Variants in RBFOX1 observed in about 807,000 individuals in gnomAD.
RBFOX1 encodes the protein RNA binding protein fox-1 homolog 1.
A neutral mutation model predicts 57.7 loss-of-function variants in RBFOX1; 8 were observed. That is an observed-to-expected ratio of 0.14 (90% CI 0.08 to 0.25). The LOEUF (loss-of-function observed/expected upper bound fraction) is 0.25. RBFOX1 is among the 10% of genes least tolerant of loss of function. The pLI is 1.00. For missense variants in RBFOX1, 611 were observed against 548.5 expected (o/e 1.11, Z -1.14); for synonymous variants, 326 against 222.4 (o/e 1.47, Z -4.15).
At chr16:6,083,206 A>G (rs1597131415) in intron 1 of RBFOX1, among the ~76,000 whole-genome samples, 1 of 151,952 alleles carries the variant, frequency 6.6e-6, no homozygotes, top group Non-Finnish European at 1.5e-5. Flanking sequence ...TTTCACCATG[A>G]TGGCCAAGCT....
intron 4 of RBFOX1, among the ~76,000 whole-genome samples, chr16:5,980,471 C>T (rs1342146719): frequency 1.3e-5 from 2 of 152,178 alleles, no homozygotes. Context: ...TGGCCCTGGG[C>T]AGACAGCAGA....
intron 4 of RBFOX1, among the ~76,000 whole-genome samples, chr16:7,252,504 TC>T (rs2094531792): frequency 6.6e-6 from 1 of 152,172 alleles, no homozygotes; most frequent in Non-Finnish European, 1.5e-5. Context: ...TTTGCACAGA[TC>T]TTTATATTTC....
chr16:6,164,019 G>A (rs909277679), intron 1 of RBFOX1, among the ~76,000 whole-genome samples: 32 of 152,140 alleles, frequency 2.1e-4, no homozygotes, highest in Admixed American at 1.3e-4. Flanking sequence ...TTTTTGTGAC[G>A]AGAGTAGTTG....
At chr16:6,253,962 A>C (rs2097644372) in intron 1 of RBFOX1, among the ~76,000 whole-genome samples, 2 of 152,114 alleles carry the variant, frequency 1.3e-5, no homozygotes, top group Admixed American at 1.3e-4. Context: ...CAACTCAAGT[A>C]GGACAGAACT....
chr16:5,861,616 C>T (rs762226548), intron 3 of RBFOX1, among the ~76,000 whole-genome samples: 148 of 152,286 alleles, frequency 9.7e-4, no homozygotes, highest in Non-Finnish European at 1.1e-3. Flanking sequence ...ATATCCTTGA[C>T]GAACATAAGC....
chr16:6,029,804 A>C (rs1304972980), intron 1 of RBFOX1, among the ~76,000 whole-genome samples: 1 of 151,978 alleles, frequency 6.6e-6, no homozygotes, highest in Non-Finnish European at 1.5e-5. Context: ...GGAAAGAAAA[A>C]CATGTTATTG....
chr16:6,662,916 C>A (rs2098710417), intron 3 of RBFOX1, among the ~76,000 whole-genome samples: 1 of 152,148 alleles, frequency 6.6e-6, no homozygotes, highest in Non-Finnish European at 1.5e-5. Context: ...AGAACAGAAA[C>A]AATTTAAAGA....
chr16:6,004,231 C>T (rs1448837461), intron 4 of RBFOX1, among the ~76,000 whole-genome samples: 1 of 152,074 alleles, frequency 6.6e-6, no homozygotes, highest in Non-Finnish European at 1.5e-5. Flanking sequence ...AAAAGAATAC[C>T]TGCTCTACAG....
intron 2 of RBFOX1, among the ~76,000 whole-genome samples, chr16:6,654,040 A>G (rs1280105245): frequency 6.7e-6 from 1 of 150,328 alleles, no homozygotes; most frequent in African/African-American, 2.5e-5. Flanking sequence ...GAATGGATAG[A>G]TGGGTGGATG....
At chr16:7,019,571 G>A (rs1337850914) in intron 3 of RBFOX1, among the ~76,000 whole-genome samples, 4 of 152,134 alleles carry the variant, frequency 2.6e-5, no homozygotes, top group South Asian at 2.1e-4. Flanking sequence ...TTTACAGTTC[G>A]AATGAATGAT....
rs368652000 is a variant in RBFOX1 at position 6,637,614 on chromosome 16, T to G, written c.-63-16989T>G. On this transcript the variant is annotated intron_variant, in intron 2 of 15. Coordinates refer to ENST00000550418, the MANE Select transcript of RBFOX1 (RefSeq NM_018723.4). ...CTATATATATATTAGAATGTGCATT[T>G]AACTTGAAAAGGTTGAAACTCTAAA... 1.4e-4 allele frequency among the ~76,000 whole-genome samples: 8 copies of G among 58,992 alleles called. No individual in the cohort carries two copies. In the East Asian group the frequency reaches 4.8e-3, roughly 36 times the overall value. The allele number at this position is 58,992 out of a possible 152,430, so 38.7% of individuals were successfully genotyped here.
chr16:7,626,952 A>G (rs923297745), intron 10 of RBFOX1, among the ~76,000 whole-genome samples: 2 of 152,152 alleles, frequency 1.3e-5, no homozygotes, highest in African/African-American at 2.4e-5. Context: ...CAGACGACCA[A>G]TGTCTAAGTA....
intron 2 of RBFOX1, among the ~76,000 whole-genome samples, chr16:6,554,046 A>G (rs999019002): frequency 1.3e-5 from 2 of 152,188 alleles, no homozygotes; most frequent in Non-Finnish European, 2.9e-5. Context: ...GAATGAATGA[A>G]TGAATGGATA....
intron 3 of RBFOX1, among the ~76,000 whole-genome samples, chr16:6,665,504 A>G (rs139675256): frequency 3.4e-4 from 52 of 152,012 alleles, no homozygotes; most frequent in Non-Finnish European, 6.5e-4. Flanking sequence ...AGGCACCTGT[A>G]ATCGCAGCTA....
At chr16:7,130,382 C>T (rs2069947746) in intron 4 of RBFOX1, among the ~76,000 whole-genome samples, 3 of 152,220 alleles carry the variant, frequency 2.0e-5, no homozygotes, top group African/African-American at 7.2e-5. Flanking sequence ...AAGTGTTTGT[C>T]CATTGTGCTC....
intron 4 of RBFOX1, among the ~76,000 whole-genome samples, chr16:7,379,448 T>A (rs977546458): frequency 6.6e-6 from 1 of 152,192 alleles, no homozygotes; most frequent in Admixed American, 6.5e-5. Flanking sequence ...AATGAATGAA[T>A]TGGAGCTTTA....
intron 2 of RBFOX1, among the ~76,000 whole-genome samples, chr16:6,647,768 C>G (rs889177976): frequency 2.0e-5 from 3 of 152,030 alleles, no homozygotes; most frequent in Admixed American, 1.3e-4. Context: ...TGGGATCTTG[C>G]TCTGTCACTA....
intron 14 of RBFOX1, among the ~76,000 whole-genome samples, chr16:7,694,089 G>T (rs1008501883): frequency 1.3e-5 from 2 of 152,152 alleles, no homozygotes; most frequent in Admixed American, 1.3e-4. Context: ...TTAATTAAAT[G>T]CCAAGATAGG....
intron 10 of RBFOX1, among the ~76,000 whole-genome samples, chr16:7,619,050 A>T (rs1156485317): frequency 3.9e-5 from 6 of 152,338 alleles, no homozygotes; most frequent in East Asian, 1.9e-4. Context: ...CTAAACAAGG[A>T]TTATTCAAAG....
Sources: gnomAD v4.1 joint callset for allele counts (sites outside exome capture counted in the v4.1 genomes callset) on GRCh38, gnomAD v4.1.1 for gene constraint, MANE v1.5 for transcripts, NCBI Gene and HGNC (gene_info 2026-07-23, HGNC 2026-07-21) for gene names.